Variants in MACF1 observed in about 807,000 individuals in gnomAD.
MACF1 encodes the protein microtubule actin crosslinking factor 1, also known as microtubule-actin cross-linking factor 1.
A neutral mutation model predicts 854.8 loss-of-function variants in MACF1; 193 were observed. The observed-to-expected ratio is 0.23, with a 90% confidence interval of 0.20 to 0.25. MACF1 has a LOEUF of 0.25. Among genes scored for constraint, MACF1 ranks in the 10% least tolerant of loss-of-function variants. The pLI, the probability that MACF1 is intolerant of heterozygous loss-of-function variation, is 1.00. For missense variants in MACF1, 7,722 were observed against 8,929.1 expected (o/e 0.86, Z 5.45); for synonymous variants, 3,185 against 3,226.7 (o/e 0.99, Z 0.44).
intron 2 of MACF1, among the ~76,000 whole-genome samples, chr1:39,116,913 C>T (rs891644301): frequency 2.3e-4 from 35 of 152,130 alleles, no homozygotes; most frequent in African/African-American, 8.2e-4. Context: ...AACAGGTTAG[C>T]TTTACTACTC....
intron 31 of MACF1, 116 bp from the exon 32 acceptor site, chr1:39,322,492 C>T (rs969498987): frequency 2.5e-6 from 2 of 808,690 alleles, no homozygotes; most frequent in Non-Finnish European, 4.1e-6. Flanking sequence ...AGTTTGCTAA[C>T]CTCCAGCATG....
At chr1:39,325,291 G>A (rs1162057180) in intron 35 of MACF1, among the ~76,000 whole-genome samples, 1 of 152,166 alleles carries the variant, frequency 6.6e-6, no homozygotes, top group Non-Finnish European at 1.5e-5. Context: ...TTCCAAAAAG[G>A]AGAGAAGTTC....
chr1:39,329,682 A>G (rs1646682989), intron 36 of MACF1, among the ~76,000 whole-genome samples: 1 of 152,238 alleles, frequency 6.6e-6, no homozygotes, highest in Non-Finnish European at 1.5e-5. Context: ...GAAGAGCTGA[A>G]AAGTTGGAGA....
chr1:39,435,693 G>A lies in MACF1; in HGVS notation c.17920G>A (p.Ala5974Thr). The A allele has an allele frequency of 1.2e-6, 2 of 1,614,178 alleles. No individual in the cohort carries two copies. Among genetic ancestry groups the A allele is most frequent in the Non-Finnish European group, 1.7e-6 (2 of 1,180,030 alleles). Residue 5974 changes from alanine to threonine, a missense_variant, in exon 70 of 101, where the codon GCC (alanine) becomes ACC (threonine). Transcript: ENST00000564288. ...EKYQKAENMY[A>T]QIKEEVRQRA... is the part of the protein sequence containing the mutation. Reference sequence around the variant, plus strand: ...ATACCAGAAAGCAGAAAACATGTATGCCCAAATAAAGGAGGAGGTGCGCCA... The same window carrying A: ...ATACCAGAAAGCAGAAAACATGTATACCCAAATAAAGGAGGAGGTGCGCCA...
chr1:39,394,522 C>T (rs1479938498), intron 58 of MACF1, among the ~76,000 whole-genome samples: 2 of 152,066 alleles, frequency 1.3e-5, no homozygotes, highest in East Asian at 3.9e-4. Context: ...TTTGGGGAGG[C>T]TGAGGCAGGA....
At chr1:39,372,636 C>T (rs758739695) in intron 52 of MACF1, 40 bp downstream of exon 52, 2 of 1,420,228 alleles carry the variant, frequency 1.4e-6, no homozygotes, top group Non-Finnish European at 2.0e-6. Context: ...ATAAAAATTG[C>T]TCTTTGCTTT....
chr1:39,109,579 T>G (rs933452052), intron 2 of MACF1, among the ~76,000 whole-genome samples: 3 of 152,110 alleles, frequency 2.0e-5, no homozygotes, highest in Admixed American at 6.5e-5. Flanking sequence ...CTGGCCTATT[T>G]TATTTTTTAA....
intron 6 of MACF1, among the ~76,000 whole-genome samples, chr1:39,278,753 G>C (rs1032956209): frequency 2.6e-5 from 4 of 152,182 alleles, no homozygotes; most frequent in African/African-American, 7.2e-5. Flanking sequence ...AACTGAAATA[G>C]AATTGGTACT....
Position 39,340,504 on chromosome 1 carries a change from A to G in MACF1, c.10218A>G (p.Val3406=), listed in dbSNP as rs374363971. ...ELQDLLCQAK[V]LERELKDLTT... is the part of the protein sequence containing the mutation. ...GTAACTCCACTTTATTCCCTCAGGTATTAGAAAGGGAGTTAAAGGATCTGA... is the reference window on the plus strand; with the variant it reads ...GTAACTCCACTTTATTCCCTCAGGTGTTAGAAAGGGAGTTAAAGGATCTGA... The change falls in exon 39 of 101, where the codon GTA becomes GTG. Residue 3406 remains valine, a splice_region_variant and synonymous_variant. Transcript: ENST00000564288. 6.2e-7 allele frequency: 1 copy of G among 1,608,816 alleles called. No individual in the cohort carries two copies. Among genetic ancestry groups the G allele is most frequent in the Admixed American group, 1.7e-5 (1 of 60,006 alleles).
At chr1:39,138,884 C>T (rs1434337981) in intron 2 of MACF1, among the ~76,000 whole-genome samples, 3 of 152,024 alleles carry the variant, frequency 2.0e-5, no homozygotes, top group East Asian at 3.9e-4. Context: ...AGGCTGGTCT[C>T]GAACTCCTGA....
At position 39,422,894 on chromosome 1, in the gene MACF1, A is replaced by T; in HGVS notation, c.16143A>T (p.Glu5381Asp). The change falls in exon 60 of 101, where the codon GAA becomes GAT. Residue 5381 changes from glutamate to aspartate, a missense_variant. Glu to Asp is a conservative substitution (Grantham distance 45). Transcript: ENST00000564288. ...AAGTGGTGAAAGCACAGATCCAAGAACAGAAGGTAAGTGAGAATGTTGGGA... is the reference window on the plus strand; with the variant it reads ...AAGTGGTGAAAGCACAGATCCAAGATCAGAAGGTAAGTGAGAATGTTGGGA... ...EYKVVKAQIQ[E>D]QKLLQRLLDD... 1 of 1,614,032 alleles carries T rather than the reference A, an allele frequency of 6.2e-7. No individual in the cohort carries two copies. The highest frequency in any genetic ancestry group is 8.5e-7 in the Non-Finnish European group (1 of 1,179,856).
chr1:39,420,069 T>C (rs969682421), intron 58 of MACF1, among the ~76,000 whole-genome samples: 5 of 152,242 alleles, frequency 3.3e-5, no homozygotes, highest in Non-Finnish European at 7.3e-5. Flanking sequence ...ACTGGCCATA[T>C]GTGGCTTTGA....
At chr1:39,454,784 A>T (rs1644404200) in intron 88 of MACF1, 125 bp from the exon 89 acceptor site, 1 of 821,014 alleles carries the variant, frequency 1.2e-6, no homozygotes, top group Non-Finnish European at 1.9e-6. Flanking sequence ...TGGGTGACAG[A>T]GCGAGAGTCT....
intron 99 of MACF1, among the ~76,000 whole-genome samples, chr1:39,482,791 C>CAAAA (rs1192268809): frequency 1.3e-5 from 1 of 74,858 alleles, no homozygotes; most frequent in African/African-American, 5.5e-5. Context: ...GAGACTGCCT[C>CAAAA]AAAAAAAAAA....
In MACF1 at chr1:39,311,006, C is replaced by A. The variant is rs754605215; in HGVS notation, c.3270+6C>A. ...TAAGGATTGCAGAGCAAGAGGTAAGCCCTAAGAGCCATGTGGATGCTGGTT... is the reference window on the plus strand; with the variant it reads ...TAAGGATTGCAGAGCAAGAGGTAAGACCTAAGAGCCATGTGGATGCTGGTT... On this transcript the variant is annotated splice_donor_region_variant and intron_variant, in intron 26 of 100. Transcript: ENST00000564288. The A allele has an allele frequency of 1.4e-5, 22 of 1,608,056 alleles. No individual in the cohort carries two copies.
intron 16 of MACF1, among the ~76,000 whole-genome samples, 174 bp from the exon 17 acceptor site, chr1:39,292,592 G>C (rs151077524): frequency 6.6e-6 from 1 of 152,212 alleles, no homozygotes; most frequent in Non-Finnish European, 1.5e-5. Context: ...TGCTCACTTA[G>C]TGCTGCTCCA....
intron 2 of MACF1, among the ~76,000 whole-genome samples, chr1:39,117,535 T>TAG (rs1280585930): frequency 7.3e-5 from 5 of 68,734 alleles, no homozygotes; most frequent in Admixed American, 4.6e-4. Flanking sequence ...CTGCAAGAGG[T>TAG]GTGTGTGTGT....
At chr1:39,125,294 AG>A (rs1482159110) in intron 2 of MACF1, among the ~76,000 whole-genome samples, 1 of 152,194 alleles carries the variant, frequency 6.6e-6, no homozygotes, top group Non-Finnish European at 1.5e-5. Context: ...ATTAAGAACA[AG>A]GGGTTTGAAT....
chr1:39,227,668 C>T (rs954123794), intron 1 of MACF1, among the ~76,000 whole-genome samples: 1 of 152,164 alleles, frequency 6.6e-6, no homozygotes, highest in Non-Finnish European at 1.5e-5. Flanking sequence ...GGATAAAGTT[C>T]GGGTTCCTTA....
Sources: gnomAD v4.1 joint callset for allele counts (sites outside exome capture counted in the v4.1 genomes callset) on GRCh38, gnomAD v4.1.1 for gene constraint, MANE v1.5 for transcripts, NCBI Gene and HGNC (gene_info 2026-07-23, HGNC 2026-07-21) for gene names.